Variants in MCTP2 observed in about 807,000 individuals in gnomAD.
The protein encoded by MCTP2 is multiple C2 and transmembrane domain-containing protein 2.
In MCTP2, 132 loss-of-function variants were observed where a neutral mutation model predicts 111.6. The observed-to-expected ratio is 1.18, with a 90% CI of 1.03 to 1.37. The LOEUF (loss-of-function observed/expected upper bound fraction) is 1.37, where lower values mean the gene tolerates loss of function less well. Ranked by LOEUF, MCTP2 falls within the 40% of genes most tolerant of loss-of-function variation. The probability of loss-of-function intolerance (pLI) is 0.00; values close to 1 mark genes in which losing one functional copy is unlikely to be tolerated. For synonymous variants in MCTP2, 395 were observed against 387.7 expected, an observed-to-expected ratio of 1.02 and a Z score of -0.22; for missense variants, 1,183 against 1,067.9, an observed-to-expected ratio of 1.11 and a Z score of -1.50.
At chr15:94,343,054 A>T (rs2077748757) in intron 7 of MCTP2, 2 of 117,252 alleles carry the variant, frequency 1.7e-5, no homozygotes, top group South Asian at 5.6e-4. Context: ...ACATGTATAT[A>T]TATAACATAT....
chr15:94,248,395 T>C (rs2072169947), intron 1 of MCTP2, among the ~76,000 whole-genome samples: 1 of 152,204 alleles, frequency 6.6e-6, no homozygotes, highest in Non-Finnish European at 1.5e-5. Context: ...AGGACGTGAC[T>C]GTGGCTCAGT....
chr15:94,328,289 C>T (rs55787860), intron 4 of MCTP2, among the ~76,000 whole-genome samples: 6,102 of 151,834 alleles, frequency 0.04, 433 homozygotes, highest in African/African-American at 0.14. Context: ...CCACCACGCC[C>T]GGCTAATTTT....
At chr15:94,451,472 A>T (rs543931708) in intron 19 of MCTP2, among the ~76,000 whole-genome samples, 1 of 152,364 alleles carries the variant, frequency 6.6e-6, no homozygotes, top group South Asian at 2.1e-4. Flanking sequence ...TAGGAATCTA[A>T]AACTATGTAT....
In MCTP2 at chr15:94,315,039, A is replaced by T. The variant is rs573243028; in HGVS notation, c.529-490A>T. Reference sequence around the variant, plus strand: ...TGGGGGCATCAGCTGAGTGCCCAGAACTGAAATTTTACTACACATGGAAGT... The same window carrying T: ...TGGGGGCATCAGCTGAGTGCCCAGATCTGAAATTTTACTACACATGGAAGT... On this transcript the variant is annotated intron_variant, in intron 3 of 22. Transcript: ENST00000357742. 5.9e-5 allele frequency among the ~76,000 whole-genome samples: 9 copies of T among 152,278 alleles called. No homozygotes were observed. The East Asian group carries it at 1.7e-3, about 29-fold the overall frequency.
intron 14 of MCTP2, among the ~76,000 whole-genome samples, chr15:94,397,569 A>T (rs1281382348): frequency 2.6e-5 from 4 of 152,196 alleles, no homozygotes; most frequent in African/African-American, 7.2e-5. Context: ...CCAGGTCTTT[A>T]TGGGGCACCC....
rs533274140 is a variant in MCTP2, at chr15:94,321,640, GCT to G, written c.637+6010_637+6011del. Among the ~76,000 whole-genome samples, 11 of 152,274 alleles carry G rather than the reference GCT, an allele frequency of 7.2e-5. No homozygotes were observed. In the South Asian group the frequency reaches 2.3e-3, roughly 32 times the overall value. ...TGTGTCAGTTTGCCAATTTCTCTGT[GCT>G]CTCTCTATGATCTGTCTTTAGCATA... On this transcript the variant is annotated intron_variant, in intron 4 of 22. Transcript: ENST00000357742.
At chr15:94,280,936 A>T (rs928293965) in intron 1 of MCTP2, among the ~76,000 whole-genome samples, 1 of 151,804 alleles carries the variant, frequency 6.6e-6, no homozygotes, top group Non-Finnish European at 1.5e-5. Flanking sequence ...GTTTTTATTG[A>T]GAGTGTGGTT....
chr15:94,452,686 T>C (rs1191884869), intron 19 of MCTP2, among the ~76,000 whole-genome samples: 1 of 152,154 alleles, frequency 6.6e-6, no homozygotes, highest in Non-Finnish European at 1.5e-5. Context: ...GATCCCCCAG[T>C]TCAAGCAGGG....
At position 94,372,346 on chromosome 15, in the gene MCTP2, C is replaced by T. The variant is rs75593776; in HGVS notation, c.1582+2166C>T. ...CTAAGTCTCACAGTCTATGTTTATA[C>T]GTTGTCAGGCTCCTGTATGAATCCT... is the stretch of plus-strand genomic sequence containing the variant. On this transcript the variant is annotated intron_variant, in intron 12 of 22. Coordinates refer to ENST00000357742, the MANE Select transcript of MCTP2 (RefSeq NM_001385001.1). Among the ~76,000 whole-genome samples the T allele has an allele frequency of 4.6e-3, 705 of 152,296 alleles. 3 individuals carry two copies. The highest frequency in any genetic ancestry group is 0.016 in the African/African-American group (674 of 41,554).
At chr15:94,469,136 T>C (rs2073683684) in intron 20 of MCTP2, among the ~76,000 whole-genome samples, 1 of 152,182 alleles carries the variant, frequency 6.6e-6, no homozygotes, top group Admixed American at 6.5e-5. Flanking sequence ...CTTTGTGGTA[T>C]TCCCTCTAAA....
At chr15:94,416,938 A>G (rs1055488091) in intron 17 of MCTP2, among the ~76,000 whole-genome samples, 1 of 152,116 alleles carries the variant, frequency 6.6e-6, no homozygotes, top group Non-Finnish European at 1.5e-5. Flanking sequence ...TTAGTTTATA[A>G]GTAATGTGAG....
Position 94,483,242 on chromosome 15 carries a change from A to T in MCTP2, c.*4208A>T, listed in dbSNP as rs1430334543. 1 of 152,212 alleles carries T rather than the reference A, an allele frequency of 6.6e-6. No homozygotes were observed. Among genetic ancestry groups the T allele is most frequent in the African/African-American group, 2.4e-5 (1 of 41,454 alleles). 9.4% of individuals were successfully genotyped at this position (152,212 alleles called of 1,614,324 possible). On this transcript the variant is annotated 3_prime_UTR_variant, in exon 23 of 23. Coordinates refer to ENST00000357742, the MANE Select transcript of MCTP2 (RefSeq NM_001385001.1). ...ATTGAAAACTATGTTCTGCACTTAT[A>T]CATTGTTGGTTGGAGTGTAAATTAG...
At chr15:94,253,943 C>G (rs2072604084) in intron 1 of MCTP2, among the ~76,000 whole-genome samples, 1 of 152,064 alleles carries the variant, frequency 6.6e-6, no homozygotes, top group Non-Finnish European at 1.5e-5. Context: ...CTCCAGAGCA[C>G]ACTGTTTACT....
intron 1 of MCTP2, among the ~76,000 whole-genome samples, chr15:94,278,528 CATATG>C (rs1298619076): frequency 1.3e-5 from 2 of 152,228 alleles, no homozygotes; most frequent in East Asian, 3.9e-4. Context: ...CCTAGAAAAA[CATATG>C]ATAATATATT....
chr15:94,470,895 T>G (rs568984046), intron 21 of MCTP2, among the ~76,000 whole-genome samples: 1 of 152,204 alleles, frequency 6.6e-6, no homozygotes, highest in East Asian at 1.9e-4. Context: ...ACCCCATTCT[T>G]AAATCCAGAA....
intron 20 of MCTP2, among the ~76,000 whole-genome samples, chr15:94,467,361 G>GCCCCCTTT (rs2073446478): frequency 2.0e-5 from 3 of 151,876 alleles, no homozygotes; most frequent in Non-Finnish European, 2.9e-5. Context: ...TTGAAAGGGG[G>GCCCCCTTT]CAAATTTCTT....
intron 14 of MCTP2, among the ~76,000 whole-genome samples, chr15:94,390,521 G>T (rs903330398): frequency 3.3e-5 from 5 of 151,882 alleles, no homozygotes; most frequent in South Asian, 2.1e-4. Context: ...TGAAAATCAG[G>T]CTGGATTCTT....
At chr15:94,390,078 A>ACT (rs1451561867) in intron 14 of MCTP2, among the ~76,000 whole-genome samples, 1 of 47,294 alleles carries the variant, frequency 2.1e-5, no homozygotes. Flanking sequence ...ATATATATAT[A>ACT]TATATATATA....
At chr15:94,235,770 C>A (rs571310563) in intron 1 of MCTP2, among the ~76,000 whole-genome samples, 1 of 152,170 alleles carries the variant, frequency 6.6e-6, no homozygotes, top group Admixed American at 6.5e-5. Flanking sequence ...GTGGTTCAGC[C>A]GGGATTCAAG....
Sources: allele counts gnomAD v4.1 joint callset (sites outside exome capture counted in the v4.1 genomes callset), GRCh38; gene constraint gnomAD v4.1.1; transcripts MANE v1.5; gene names NCBI Gene and HGNC (gene_info 2026-07-23, HGNC 2026-07-21).